The following MYB variants were observed in gnomAD, a reference collection of about 807,000 sequenced individuals.
The protein encoded by MYB is MYB proto-oncogene, transcription factor.
A neutral mutation model predicts 92.9 loss-of-function variants in MYB; 28 were observed. That is an observed-to-expected ratio of 0.30 (90% CI 0.22 to 0.41). MYB has a LOEUF of 0.41. Among genes scored for constraint, MYB ranks in the 10% least tolerant of loss-of-function variants. The pLI is 1.00. For missense variants in MYB, 679 were observed against 929.3 expected, an observed-to-expected ratio of 0.73 and a Z score of 3.50; for synonymous variants, 295 against 329.1, an observed-to-expected ratio of 0.90 and a Z score of 1.12.
In MYB at chr6:135,181,465, C is replaced by A; in HGVS notation, c.-49C>A. 1 of 1,112,074 alleles carries A rather than the reference C, an allele frequency of 9.0e-7. No individual in the cohort carries two copies. 68.9% of individuals were successfully genotyped at this position (1,112,074 alleles called of 1,614,324 possible). On this transcript the variant is annotated 5_prime_UTR_variant, in exon 1 of 16. Transcript: ENST00000341911. The surrounding 1 kb of genome is among the most constrained non-coding windows in gnomAD (Gnocchi z 5.3). ...GGCGGCGGGCAGCGGGAGGCGGCAG[C>A]CCGGTGCGGTCCCCGCGGCTCTCGG...
intron 15 of MYB, among the ~76,000 whole-genome samples, chr6:135,212,356 TATA>T (rs1393215429): frequency 6.7e-6 from 1 of 149,810 alleles, no homozygotes; most frequent in Admixed American, 6.8e-5. Context: ...GCTGTATGAA[TATA>T]ATAATAAGAA....
chr6:135,191,014 G>A (rs1029038809), intron 5 of MYB, among the ~76,000 whole-genome samples: 1 of 152,104 alleles, frequency 6.6e-6, no homozygotes, highest in African/African-American at 2.4e-5. Context: ...ACCCAGGCTG[G>A]TATCAAACTC....
chr6:135,202,842 A>T, intron 14 of MYB: 1 of 451,018 alleles, frequency 2.2e-6, no homozygotes, highest in South Asian at 1.7e-5. Flanking sequence ...TTATAGCTCT[A>T]AAATATTGAT....
intron 5 of MYB, among the ~76,000 whole-genome samples, chr6:135,191,208 A>G (rs913667112): frequency 3.3e-5 from 5 of 152,218 alleles, no homozygotes; most frequent in Admixed American, 6.5e-5. Context: ...TGTCAGGGTA[A>G]TAATGCTTTC....
Position 135,182,105 on chromosome 6 carries a change from C to G in MYB, c.23+569C>G, listed in dbSNP as rs1019768012. 6.6e-6 allele frequency among the ~76,000 whole-genome samples: 1 copy of G among 152,222 alleles called. No individual in the cohort carries two copies. The highest frequency in any genetic ancestry group is 2.4e-5 in the African/African-American group (1 of 41,460). ...TTTTAGGGGGATAAAGGGGTCTCTA[C>G]TTTTGCAAATTGTCTTAAGACCTGG... On this transcript the variant is annotated intron_variant, in intron 1 of 15. Coordinates refer to ENST00000341911, the MANE Select transcript of MYB (RefSeq NM_001130173.2). The surrounding 1 kb of genome is among the most constrained non-coding windows in gnomAD (Gnocchi z 5.6).
chr6:135,187,786 T>C (rs1386588490), intron 2 of MYB, 48 bp from the exon 3 acceptor site: 3 of 1,333,576 alleles, frequency 2.2e-6, no homozygotes, highest in Non-Finnish European at 3.2e-6. Flanking sequence ...TTGAACAGAG[T>C]TATATAGTAA....
In MYB at chr6:135,187,918, G is replaced by C; in HGVS notation, c.213+13G>C. 2 of 1,588,400 alleles carry C rather than the reference G, an allele frequency of 1.3e-6. No individual in the cohort carries two copies. The highest frequency in any genetic ancestry group is 1.7e-6 in the Non-Finnish European group (2 of 1,159,392). Reference sequence around the variant, plus strand: ...CAATTATCTCCCGGTAAGTTAGTAAGTTTTTCTTATAACGAAAGGAAAGCT... The same window carrying C: ...CAATTATCTCCCGGTAAGTTAGTAACTTTTTCTTATAACGAAAGGAAAGCT... On this transcript the variant is annotated intron_variant, in intron 3 of 15. Coordinates refer to ENST00000341911, the MANE Select transcript of MYB (RefSeq NM_001130173.2).
chr6:135,207,738 T>C (rs1779134731), intron 15 of MYB, among the ~76,000 whole-genome samples: 1 of 31,122 alleles, frequency 3.2e-5, no homozygotes, highest in South Asian at 1.0e-3. Context: ...ACCTCATCTC[T>C]TTTTTTTTTT....
Position 135,195,540 on chromosome 6 carries a change from G to A in MYB, c.949-208G>A, listed in dbSNP as rs56205561. 2.6e-3 allele frequency: 1,446 copies of A among 566,144 alleles called. 33 individuals are homozygous for A. The East Asian group carries it at 0.033, about 13-fold the overall frequency. 35.1% of individuals were successfully genotyped at this position (566,144 alleles called of 1,614,324 possible). A position where few individuals can be genotyped will look rare whatever the true frequency, so the allele number is the denominator to read the frequency against. On this transcript the variant is annotated intron_variant, in intron 8 of 15. Coordinates refer to ENST00000341911, the MANE Select transcript of MYB (RefSeq NM_001130173.2). ...AAATGATAACAAGGTAATCATATAG[G>A]TACAACCTCTAGCACTATTAAAAAC...
chr6:135,197,385 C>A, intron 10 of MYB, 62 bp downstream of exon 10: 4 of 1,340,256 alleles, frequency 3.0e-6, no homozygotes, highest in Admixed American at 2.2e-5. Flanking sequence ...CCTTAATAAT[C>A]TAGAAACTAA....
chr6:135,202,091 G>A (rs1778182285), intron 14 of MYB, among the ~76,000 whole-genome samples: 1 of 151,962 alleles, frequency 6.6e-6, no homozygotes, highest in Non-Finnish European at 1.5e-5. Flanking sequence ...TTGTTAAGTT[G>A]TCTCTTGTTT....
chr6:135,192,527 A>G lies in MYB; in HGVS notation c.731A>G (p.Tyr244Cys), dbSNP rs974068084. Residue 244 changes from tyrosine to cysteine, a missense_variant, in exon 6 of 16, where the codon TAT becomes TGT. Physicochemically the swap from Tyr to Cys is radical, Grantham distance 194. Transcript: ENST00000341911. ...ATGQPTVNNDYSYYHISEAQN... is the reference protein window; with the variant it reads ...ATGQPTVNNDCSYYHISEAQN... Reference sequence around the variant, plus strand: ...GGCCAGCCCACTGTTAACAACGACTATTCCTATTACCACATTTCTGAAGCA... The same window carrying G: ...GGCCAGCCCACTGTTAACAACGACTGTTCCTATTACCACATTTCTGAAGCA... The G allele has an allele frequency of 3.1e-6, 5 of 1,614,244 alleles. No homozygotes were observed. In the South Asian group the frequency reaches 4.4e-5, roughly 14 times the overall value.
intron 13 of MYB, 115 bp from the exon 14 acceptor site, chr6:135,201,524 G>A: frequency 1.7e-6 from 1 of 578,344 alleles, no homozygotes; most frequent in East Asian, 3.2e-5. Context: ...GATAGTGTAA[G>A]TTAGCAACAT....
At position 135,182,044 on chromosome 6, in the gene MYB, G is replaced by A. The variant is rs1336139759; in HGVS notation, c.23+508G>A. The stretch of plus-strand genomic sequence containing the variant: ...TTTCATTCATTCTTTATGGAGGCGA[G>A]GACCAGTGTCAGCTGACAGGCGGCT... On this transcript the variant is annotated intron_variant, in intron 1 of 15. Coordinates refer to ENST00000341911, the MANE Select transcript of MYB (RefSeq NM_001130173.2). The surrounding 1 kb of genome is among the most constrained non-coding windows in gnomAD (Gnocchi z 5.6). 1.3e-5 allele frequency among the ~76,000 whole-genome samples: 2 copies of A among 152,236 alleles called. No homozygotes were observed. Among genetic ancestry groups the A allele is most frequent in the African/African-American group, 2.4e-5 (1 of 41,460 alleles).
intron 15 of MYB, among the ~76,000 whole-genome samples, chr6:135,212,231 T>C (rs1391591816): frequency 7.5e-6 from 1 of 132,672 alleles, no homozygotes; most frequent in African/African-American, 3.0e-5. Flanking sequence ...TTACTTTTTT[T>C]TTTTTTTTTT....
intron 8 of MYB, chr6:135,195,357 C>CAAAAA: frequency 5.6e-6 from 1 of 177,546 alleles, no homozygotes; most frequent in Admixed American, 6.1e-5. Flanking sequence ...CCTGAGTCCT[C>CAAAAA]TAGCTTTTTT....
chr6:135,214,126 A>T (rs1278632088), intron 15 of MYB, among the ~76,000 whole-genome samples: 2 of 152,002 alleles, frequency 1.3e-5, no homozygotes, highest in Non-Finnish European at 2.9e-5. Flanking sequence ...AATTTTTTTT[A>T]AAAAACATAG....
chr6:135,193,234 GA>G (rs538776096), intron 6 of MYB, among the ~76,000 whole-genome samples: 3 of 151,798 alleles, frequency 2.0e-5, no homozygotes, highest in Non-Finnish European at 4.4e-5. Context: ...GAAGAAAGAG[GA>G]AAAAAATCGA....
At chr6:135,209,293 G>T (rs1003527104) in intron 15 of MYB, among the ~76,000 whole-genome samples, 10 of 152,138 alleles carry the variant, frequency 6.6e-5, no homozygotes, top group African/African-American at 2.4e-4. Flanking sequence ...CAGTGCAGTG[G>T]TACAATCTTG....
Sources: allele counts gnomAD v4.1 joint callset (sites outside exome capture counted in the v4.1 genomes callset), GRCh38; gene constraint gnomAD v4.1.1; non-coding constraint Gnocchi (gnomAD v3.1); transcripts MANE v1.5; gene names NCBI Gene and HGNC (gene_info 2026-07-23, HGNC 2026-07-21).